The following ADAM22 variants were observed in gnomAD, a reference collection of about 807,000 sequenced individuals.
The protein encoded by ADAM22 is disintegrin and metalloproteinase domain-containing protein 22.
ADAM22 carries 65 observed loss-of-function variants against 144.6 expected under a neutral mutation model. The ratio of observed to expected loss-of-function variants is 0.45; its 90% CI spans 0.37 to 0.55. The LOEUF (loss-of-function observed/expected upper bound fraction) is 0.55, where lower values mean the gene tolerates loss of function less well. Among genes scored for constraint, ADAM22 ranks in the 20% least tolerant of loss-of-function variants. ADAM22 has a pLI of 0.00. For missense variants in ADAM22, 974 were observed against 1,184.9 expected (o/e 0.82, Z 2.61); for synonymous variants, 391 against 412.6 (o/e 0.95, Z 0.63).
chr7:87,943,962 A>G (rs1056377398), intron 2 of ADAM22, among the ~76,000 whole-genome samples: 17 of 152,108 alleles, frequency 1.1e-4, no homozygotes, highest in African/African-American at 4.1e-4. Flanking sequence ...TGAAGATGAG[A>G]AATCGATGGT....
intron 9 of ADAM22, among the ~76,000 whole-genome samples, chr7:88,129,437 A>G (rs571597766): frequency 6.6e-6 from 1 of 152,160 alleles, no homozygotes; most frequent in East Asian, 1.9e-4. Context: ...ATGTATGATT[A>G]AATACATAAT....
intron 3 of ADAM22, among the ~76,000 whole-genome samples, chr7:88,019,684 C>T (rs147055880): frequency 1.8e-3 from 276 of 151,884 alleles, no homozygotes; most frequent in South Asian, 7.9e-3. Context: ...CCTGTGTCTA[C>T]TTAAAAATTA....
At chr7:88,124,697 T>C (rs1649776873) in intron 7 of ADAM22, among the ~76,000 whole-genome samples, 1 of 151,958 alleles carries the variant, frequency 6.6e-6, no homozygotes, top group Non-Finnish European at 1.5e-5. Flanking sequence ...AACAAATCCC[T>C]TGTATGCCCA....
chr7:88,020,411 C>T (rs1374036931), intron 3 of ADAM22, among the ~76,000 whole-genome samples: 1 of 152,186 alleles, frequency 6.6e-6, no homozygotes, highest in African/African-American at 2.4e-5. Context: ...AATCATGTGA[C>T]AATACTCCAC....
chr7:88,182,158 G>T, intron 29 of ADAM22, 134 bp downstream of exon 29: 2 of 774,386 alleles, frequency 2.6e-6, no homozygotes, highest in Non-Finnish European at 4.0e-6. Flanking sequence ...ATTCTTTTTT[G>T]CCCTTTAAAA....
intron 7 of ADAM22, among the ~76,000 whole-genome samples, chr7:88,122,927 C>G (rs548245148): frequency 2.4e-4 from 37 of 152,272 alleles, no homozygotes; most frequent in Admixed American, 8.5e-4. Flanking sequence ...ATATTTGCAT[C>G]TGAGTAGTTT....
chr7:88,199,724 T>TG lies in ADAM22; in HGVS notation c.*3234dup, dbSNP rs1424865337. ...TCATTAGAGTTGTTCCTTTAAAAAA[T>TG]GTTGATGAATAAAGCAAATGTGGGT... is the stretch of plus-strand genomic sequence containing the variant. On this transcript the variant is annotated 3_prime_UTR_variant, in exon 32 of 32. Transcript: ENST00000413139. 2 of 152,194 alleles carry TG rather than the reference T, an allele frequency of 1.3e-5. No individual in the cohort carries two copies. Among genetic ancestry groups the TG allele is most frequent in the African/African-American group, 4.8e-5 (2 of 41,438 alleles). The allele number at this position is 152,194 out of a possible 1,614,324, so 9.4% of individuals were successfully genotyped here.
chr7:88,023,533 C>T (rs578091214), intron 3 of ADAM22, among the ~76,000 whole-genome samples: 4 of 152,244 alleles, frequency 2.6e-5, no homozygotes, highest in African/African-American at 9.6e-5. Flanking sequence ...GATTCTCCTG[C>T]CTCAATCTCC....
intron 3 of ADAM22, among the ~76,000 whole-genome samples, chr7:88,003,843 T>C (rs1411116890): frequency 6.6e-6 from 1 of 152,222 alleles, no homozygotes; most frequent in African/African-American, 2.4e-5. Context: ...CTTGGACTCA[T>C]ATATAGACGA....
intron 14 of ADAM22, among the ~76,000 whole-genome samples, chr7:88,138,275 T>G (rs1314909486): frequency 2.0e-5 from 3 of 152,204 alleles, no homozygotes; most frequent in Non-Finnish European, 2.9e-5. Context: ...ATACTAGAGA[T>G]TCTTGTCTTT....
intron 3 of ADAM22, among the ~76,000 whole-genome samples, chr7:88,021,614 A>G (rs1052612228): frequency 6.6e-6 from 1 of 152,228 alleles, no homozygotes; most frequent in Admixed American, 6.5e-5. Context: ...CAGACAAGTA[A>G]TTATAGCATT....
chr7:88,176,243 T>C (rs1202326845), intron 26 of ADAM22, among the ~76,000 whole-genome samples: 2 of 152,146 alleles, frequency 1.3e-5, no homozygotes, highest in Non-Finnish European at 2.9e-5. Context: ...AGAAACATTA[T>C]TCTTAAGAGA....
At chr7:88,133,786 T>C (rs4728732) in intron 12 of ADAM22, among the ~76,000 whole-genome samples, 25,945 of 152,130 alleles carry the variant, frequency 0.17, 3,560 homozygotes, top group African/African-American at 0.38. Context: ...AGAAAATACT[T>C]GCATTTTTAA....
chr7:88,138,723 CATG>C (rs1424245570), intron 14 of ADAM22, among the ~76,000 whole-genome samples: 2 of 152,170 alleles, frequency 1.3e-5, no homozygotes, highest in African/African-American at 4.8e-5. Context: ...AGGAGAGAGA[CATG>C]ATATCTGCCT....
intron 2 of ADAM22, among the ~76,000 whole-genome samples, chr7:87,937,739 A>G (rs1167349010): frequency 6.6e-6 from 1 of 152,214 alleles, no homozygotes; most frequent in African/African-American, 2.4e-5. Context: ...ATAGAGAAGA[A>G]TGACTGGTTT....
intron 13 of ADAM22, 126 bp from the exon 14 acceptor site, chr7:88,135,850 TAGAA>T: frequency 3.2e-6 from 2 of 617,964 alleles, no homozygotes; most frequent in East Asian, 3.2e-5. Context: ...TAAGATGAAT[TAGAA>T]AGAAGTTACT....
chr7:88,107,541 A>T (rs1354461569), intron 4 of ADAM22, among the ~76,000 whole-genome samples: 1 of 151,314 alleles, frequency 6.6e-6, no homozygotes, highest in Admixed American at 6.6e-5. Flanking sequence ...AGATGATTAA[A>T]CTTTGGTGCA....
At chr7:87,961,200 G>A (rs1382254665) in intron 2 of ADAM22, among the ~76,000 whole-genome samples, 1 of 152,054 alleles carries the variant, frequency 6.6e-6, no homozygotes, top group Non-Finnish European at 1.5e-5. Flanking sequence ...AGTCATACAG[G>A]TATCTTAGGA....
intron 30 of ADAM22, among the ~76,000 whole-genome samples, chr7:88,187,644 C>T (rs1848611305): frequency 6.6e-6 from 1 of 152,114 alleles, no homozygotes; most frequent in African/African-American, 2.4e-5. Context: ...CAATTACTAC[C>T]TCTTCTGAAC....
Sources: gnomAD v4.1 joint callset for allele counts (sites outside exome capture counted in the v4.1 genomes callset) on GRCh38, gnomAD v4.1.1 for gene constraint, MANE v1.5 for transcripts, NCBI Gene and HGNC (gene_info 2026-07-23, HGNC 2026-07-21) for gene names.